Variants in SLC18A2 observed in about 807,000 individuals in gnomAD.
SLC18A2 encodes the protein synaptic vesicular amine transporter.
Under a neutral mutation model 59.2 loss-of-function variants are expected in SLC18A2, and 33 were observed. The ratio of observed to expected loss-of-function variants is 0.56; its 90% confidence interval spans 0.42 to 0.75. The LOEUF is 0.75. Ranked by LOEUF, SLC18A2 falls within the 30% of genes least tolerant of loss-of-function variation. SLC18A2 has a pLI of 0.00. For missense variants in SLC18A2, 569 were observed against 668.6 expected, an observed-to-expected ratio of 0.85 and a Z score of 1.64; for synonymous variants, 228 against 253.5, an observed-to-expected ratio of 0.90 and a Z score of 0.95.
intron 15 of SLC18A2, among the ~76,000 whole-genome samples, chr10:117,276,187 C>T (rs935355899): frequency 6.6e-6 from 1 of 151,650 alleles, no homozygotes; most frequent in African/African-American, 2.4e-5. Flanking sequence ...CACAGCTACT[C>T]GGGAGTCTGA....
intron 3 of SLC18A2, among the ~76,000 whole-genome samples, chr10:117,252,734 G>A (rs1286022921): frequency 6.6e-6 from 1 of 152,248 alleles, no homozygotes; most frequent in Admixed American, 6.5e-5. Context: ...GTCTCTCCGA[G>A]GGACTGAGAG....
At chr10:117,267,763 A>C (rs1189889113) in intron 13 of SLC18A2, 27 bp downstream of exon 13, 1 of 1,525,438 alleles carries the variant, frequency 6.6e-7, no homozygotes, top group South Asian at 1.2e-5. Flanking sequence ...TTGTGCCTAC[A>C]TTTAAAACCG....
rs549764669 is a variant in SLC18A2 at position 117,253,399 on chromosome 10, A to G, written c.465A>G (p.Arg155=). Residue 155 remains arginine, a splice_region_variant and synonymous_variant, in exon 4 of 16, where the codon AGA becomes AGG. Coordinates refer to ENST00000644641, the MANE Select transcript of SLC18A2 (RefSeq NM_003054.6). ...TNPFIGLLTN[R]IGYPIPIFAG... ...TTTGTCTGATGTTTGTGTTTTGCAGAATTGGCTATCCAATTCCCATATTTG... is the reference window on the plus strand; with the variant it reads ...TTTGTCTGATGTTTGTGTTTTGCAGGATTGGCTATCCAATTCCCATATTTG... 1.2e-6 allele frequency: 2 copies of G among 1,612,622 alleles called. No individual in the cohort carries two copies. The highest frequency in any genetic ancestry group is 1.3e-5 in the African/African-American group (1 of 75,008).
chr10:117,263,049 C>A (rs117644224), intron 10 of SLC18A2, among the ~76,000 whole-genome samples: 7 of 152,330 alleles, frequency 4.6e-5, no homozygotes, highest in Non-Finnish European at 7.3e-5. Flanking sequence ...CGGCGCCAGA[C>A]GTTCACTCAA....
chr10:117,273,792 G>A (rs924696530), intron 15 of SLC18A2, among the ~76,000 whole-genome samples: 7 of 152,032 alleles, frequency 4.6e-5, no homozygotes, highest in Non-Finnish European at 8.8e-5. Flanking sequence ...TGCTTTTATG[G>A]GTTCACTACC....
intron 10 of SLC18A2, among the ~76,000 whole-genome samples, chr10:117,261,044 G>A (rs914950416): frequency 6.6e-6 from 1 of 152,100 alleles, no homozygotes; most frequent in African/African-American, 2.4e-5. Context: ...TTCCTTAACA[G>A]TTCCAGTTTT....
At chr10:117,252,555 G>A (rs1037719273) in intron 3 of SLC18A2, among the ~76,000 whole-genome samples, 26 of 152,180 alleles carry the variant, frequency 1.7e-4, no homozygotes, top group Non-Finnish European at 3.4e-4. Context: ...CCCACCCACA[G>A]AGCAGGGACC....
In SLC18A2 at chr10:117,254,120, C is replaced by T; in HGVS notation, c.596C>T (p.Ser199Phe). 6.2e-7 allele frequency: 1 copy of T among 1,613,300 alleles called. No individual in the cohort carries two copies. Among genetic ancestry groups the T allele is most frequent in the Non-Finnish European group, 8.5e-7 (1 of 1,179,998 alleles). The change falls in exon 5 of 16, where the codon TCC becomes TTC. Residue 199 changes from serine to phenylalanine, a missense_variant. Coordinates refer to ENST00000644641, the MANE Select transcript of SLC18A2 (RefSeq NM_003054.6). ...CTGCAGGGCATCGGCTCGTCCTGCT[C>T]CTCTGTGGCTGGTAGGTGTGGAATG... ...RSLQGIGSSC[S>F]SVAGMGMLAS...
At chr10:117,255,777 A>T (rs1324298782) in intron 9 of SLC18A2, 120 bp downstream of exon 9, 6 of 835,072 alleles carry the variant, frequency 7.2e-6, no homozygotes, top group Non-Finnish European at 9.3e-6. Context: ...GGCTATATAA[A>T]AAAACAGAAA....
intron 3 of SLC18A2, among the ~76,000 whole-genome samples, chr10:117,244,604 G>A (rs187708226): frequency 6.6e-5 from 10 of 152,358 alleles, no homozygotes; most frequent in East Asian, 1.9e-4. Flanking sequence ...GCCAGGTTTC[G>A]TAAGTGCATT....
At position 117,269,012 on chromosome 10, in the gene SLC18A2, ACT is replaced by A. The variant is rs1844386560; in HGVS notation, c.1187-1058_1187-1057del. Among the ~76,000 whole-genome samples, 1 of 151,792 alleles carries A rather than the reference ACT, an allele frequency of 6.6e-6. No individual in the cohort carries two copies. Among genetic ancestry groups the A allele is most frequent in the African/African-American group, 2.4e-5 (1 of 41,302 alleles). On this transcript the variant is annotated intron_variant, in intron 13 of 15. Coordinates refer to ENST00000644641, the MANE Select transcript of SLC18A2 (RefSeq NM_003054.6). The surrounding 1 kb of genome is among the most constrained non-coding windows in gnomAD (Gnocchi z 5.1). The stretch of plus-strand genomic sequence containing the variant: ...CATACACACAAACACACATACACAC[ACT>A]GACACACGCATACACACACACATAC...
intron 13 of SLC18A2, 58 bp from the exon 14 acceptor site, chr10:117,270,013 C>T (rs1339575993): frequency 1.6e-5 from 26 of 1,598,302 alleles, no homozygotes; most frequent in Admixed American, 1.4e-4. Flanking sequence ...CCCTGATATT[C>T]GGCCCATTTT....
At position 117,264,044 on chromosome 10, in the gene SLC18A2, T is replaced by A. The variant is rs371759615; in HGVS notation, c.992-2689T>A. 6.8e-4 allele frequency among the ~76,000 whole-genome samples: 103 copies of A among 152,302 alleles called. 3 individuals are homozygous for A. The South Asian group carries it at 0.02, about 30-fold the overall frequency. On this transcript the variant is annotated intron_variant, in intron 10 of 15. Coordinates refer to ENST00000644641, the MANE Select transcript of SLC18A2 (RefSeq NM_003054.6). ...GCTTGGAGGAAACCCAAGGTCTCAT[T>A]TCCACCTTTGCTTCCGGGGCTGGAT...
intron 6 of SLC18A2, among the ~76,000 whole-genome samples, chr10:117,254,999 T>C (rs1000118236): frequency 2.0e-5 from 3 of 152,214 alleles, no homozygotes; most frequent in African/African-American, 4.8e-5. Context: ...CATTTTCCTG[T>C]GCAGTGGAAG....
intron 6 of SLC18A2, 66 bp downstream of exon 6, chr10:117,254,563 C>T: frequency 8.3e-7 from 1 of 1,198,282 alleles, no homozygotes; most frequent in South Asian, 1.6e-5. Flanking sequence ...CAGCGGCAGT[C>T]CTCGCCCAGT....
chr10:117,260,140 C>A (rs577866870), intron 10 of SLC18A2, among the ~76,000 whole-genome samples: 14 of 152,274 alleles, frequency 9.2e-5, no homozygotes, highest in Admixed American at 3.3e-4. Context: ...TGCAAAAACA[C>A]CCTCCCACCA....
At chr10:117,256,405 G>A (rs2133735110) in intron 9 of SLC18A2, among the ~76,000 whole-genome samples, 1 of 152,328 alleles carries the variant, frequency 6.6e-6, no homozygotes, top group South Asian at 2.1e-4. Context: ...GGTCAGGCCA[G>A]GAGAAGGTCT....
chr10:117,254,533 G>C, intron 6 of SLC18A2, 36 bp downstream of exon 6: 1 of 1,503,050 alleles, frequency 6.7e-7, no homozygotes, highest in Non-Finnish European at 9.1e-7. Flanking sequence ...ACTGGCAAGA[G>C]GGGCCTGCCT....
intron 3 of SLC18A2, among the ~76,000 whole-genome samples, chr10:117,252,134 ATTTTTTTTTTTTTT>A (rs57101171): frequency 2.3e-5 from 1 of 44,348 alleles, no homozygotes; most frequent in Admixed American, 4.0e-4. Context: ...CATTTTTTGT[ATTTTTTTTTTTTTT>A]TTTTTTTTTT....
Sources: gnomAD v4.1 joint callset for allele counts (sites outside exome capture counted in the v4.1 genomes callset) on GRCh38, gnomAD v4.1.1 for gene constraint, Gnocchi (gnomAD v3.1) non-coding constraint, MANE v1.5 for transcripts, NCBI Gene and HGNC (gene_info 2026-07-23, HGNC 2026-07-21) for gene names.